IL16: variants seen among roughly 807,000 people sequenced by gnomAD.
IL16 encodes the protein interleukin 16.
Under a neutral mutation model 110.1 loss-of-function variants are expected in IL16, and 67 were observed. The observed-to-expected ratio is 0.61, with a 90% CI of 0.50 to 0.75. The LOEUF (loss-of-function observed/expected upper bound fraction) is 0.75, where lower values mean the gene tolerates loss of function less well. IL16 is among the 30% of genes least tolerant of loss of function. IL16 has a pLI of 0.00. For missense variants in IL16, 1,545 were observed against 1,655.0 expected (o/e 0.93, Z 1.15); for synonymous variants, 689 against 662.9 (o/e 1.04, Z -0.61).
At chr15:81,264,035 T>C (rs534943728) in intron 3 of IL16, among the ~76,000 whole-genome samples, 37 of 152,332 alleles carry the variant, frequency 2.4e-4, no homozygotes, top group Non-Finnish European at 2.2e-4. Flanking sequence ...CGTGCAGATA[T>C]GGATCAATAG....
intron 1 of IL16, among the ~76,000 whole-genome samples, chr15:81,198,403 C>T (rs1264188199): frequency 2.6e-5 from 4 of 152,164 alleles, no homozygotes; most frequent in African/African-American, 9.7e-5. Flanking sequence ...AATCCATGCT[C>T]TCACTGGCTT....
intron 1 of IL16, among the ~76,000 whole-genome samples, chr15:81,188,174 A>G (rs1895444163): frequency 6.6e-6 from 1 of 152,214 alleles, no homozygotes; most frequent in Admixed American, 6.5e-5. Context: ...GAGGCAATGC[A>G]TGTACCTTTC....
At position 81,303,466 on chromosome 15, in the gene IL16, A is replaced by C; in HGVS notation, c.3319-83A>C. ...TGGCCAAGCTGGGGTTTGAGATAAC[A>C]AATCAGTCTGATGTCAGTCCGATGT... On this transcript the variant is annotated intron_variant, in intron 15 of 18. Transcript: ENST00000683961. This position sits in a 1 kb window ranked among gnomAD's most constrained non-coding sequence, Gnocchi z 4.1. 1.1e-6 allele frequency: 1 copy of C among 950,962 alleles called. No homozygotes were observed. Among genetic ancestry groups the C allele is most frequent in the East Asian group, 2.4e-5 (1 of 40,866 alleles). 58.9% of individuals were successfully genotyped at this position (950,962 alleles called of 1,614,324 possible). A position where few individuals can be genotyped will look rare whatever the true frequency, so the allele number is the denominator to read the frequency against.
chr15:81,197,044 G>A lies in IL16; in HGVS notation c.-210G>A. On this transcript the variant is annotated 5_prime_UTR_variant, in exon 1 of 19. Coordinates refer to ENST00000683961, the MANE Select transcript of IL16 (RefSeq NM_172217.5). ...GGCTCTGACCCAGGCCTGGGCCACA[G>A]GCTGTCCGGGAATAAGTGGTGCTGC... 4 of 1,288,816 alleles carry A rather than the reference G, an allele frequency of 3.1e-6. No homozygotes were observed. The South Asian group carries it at 3.7e-5, about 12-fold the overall frequency. The allele number at this position is 1,288,816 out of a possible 1,614,324, so 79.8% of individuals were successfully genotyped here.
At chr15:81,232,049 T>TTTTTTTTTTTTTTTTTG (rs1897016616) in intron 2 of IL16, among the ~76,000 whole-genome samples, 1 of 118,762 alleles carries the variant, frequency 8.4e-6, no homozygotes, top group African/African-American at 2.9e-5. Context: ...CTTGTTTTTT[T>TTTTTTTTTTTTTTTTTG]TTTTTTTTTT....
At chr15:81,234,265 G>T (rs74030036) in intron 2 of IL16, among the ~76,000 whole-genome samples, 1,854 of 152,060 alleles carry the variant, frequency 0.012, 30 homozygotes, top group Middle Eastern at 0.044. Flanking sequence ...TATCATTTCA[G>T]ATGTGTTTGG....
At chr15:81,192,330 G>A (rs1364371871), upstream of IL16, among the ~76,000 whole-genome samples, 1 of 152,214 alleles carries the variant, frequency 6.6e-6, no homozygotes, top group Non-Finnish European at 1.5e-5. Context: ...GTTGGGTGCA[G>A]TGGCTCATGC....
chr15:81,292,536 C>A lies in IL16; in HGVS notation c.1421-20C>A, dbSNP rs568101674. On this transcript the variant is annotated intron_variant, in intron 11 of 18. Coordinates refer to ENST00000683961, the MANE Select transcript of IL16 (RefSeq NM_172217.5). Reference sequence around the variant, plus strand: ...TTTCTGAAGCTCAGCTGTGAAGATTCTCTTGTGCTTCCCACACAGGTGTCA... The same window carrying A: ...TTTCTGAAGCTCAGCTGTGAAGATTATCTTGTGCTTCCCACACAGGTGTCA... 10 of 1,610,616 alleles carry A rather than the reference C, an allele frequency of 6.2e-6. 1 individual carries two copies. In the South Asian group the frequency reaches 9.9e-5, roughly 16 times the overall value.
At position 81,228,322 on chromosome 15, in the gene IL16, ATT is replaced by A. The variant is rs34038033; in HGVS notation, c.312+2626_312+2627del. On this transcript the variant is annotated intron_variant, in intron 2 of 18. Coordinates refer to ENST00000683961, the MANE Select transcript of IL16 (RefSeq NM_172217.5). ...TCTTTGTGATTCACATGTACAACAC[ATT>A]TTTTTTTTTTTTTTGAGACGGAGTC... Among the ~76,000 whole-genome samples, 973 of 140,440 alleles carry A rather than the reference ATT, an allele frequency of 6.9e-3. 12 individuals are homozygous for A. The highest frequency in any genetic ancestry group is 0.024 in the African/African-American group (901 of 37,770). 92.1% of individuals were successfully genotyped at this position (140,440 alleles called of 152,430 possible). A position where few individuals can be genotyped will look rare whatever the true frequency, so the allele number is the denominator to read the frequency against.
intron 2 of IL16, among the ~76,000 whole-genome samples, chr15:81,253,263 A>G (rs1897831654): frequency 6.6e-6 from 1 of 152,114 alleles, no homozygotes; most frequent in Admixed American, 6.6e-5. Flanking sequence ...AGTCTCTTGT[A>G]TATCATTTGA....
intron 2 of IL16, among the ~76,000 whole-genome samples, chr15:81,245,935 C>T (rs1264929766): frequency 1.3e-5 from 2 of 151,784 alleles, no homozygotes; most frequent in Non-Finnish European, 2.9e-5. Context: ...TTTAGTTGTA[C>T]TTACTGGGAG....
At chr15:81,262,670 G>A (rs569312573) in intron 3 of IL16, among the ~76,000 whole-genome samples, 14 of 152,306 alleles carry the variant, frequency 9.2e-5, no homozygotes, top group South Asian at 6.2e-4. Flanking sequence ...AGTGGCTCAC[G>A]CCTGTAATCC....
intron 14 of IL16, among the ~76,000 whole-genome samples, chr15:81,300,690 G>A (rs1041905835): frequency 1.3e-5 from 2 of 152,166 alleles, no homozygotes; most frequent in South Asian, 4.1e-4. Context: ...TTAAGGAGGA[G>A]TTTTCACAAC....
At position 81,303,620 on chromosome 15, in the gene IL16, A is replaced by T; in HGVS notation, c.3390A>T (p.Gly1130=). 1 of 1,613,798 alleles carries T rather than the reference A, an allele frequency of 6.2e-7. No homozygotes were observed. Among genetic ancestry groups the T allele is most frequent in the Non-Finnish European group, 8.5e-7 (1 of 1,179,648 alleles). The change falls in exon 16 of 19, where the codon GGA becomes GGT. Residue 1130 remains glycine, a synonymous_variant. Coordinates refer to ENST00000683961, the MANE Select transcript of IL16 (RefSeq NM_172217.5). This position sits in a 1 kb window ranked among gnomAD's most constrained non-coding sequence, Gnocchi z 4.1. ...EGAGLGFSLA[G]GADLENKVIT... is the part of the protein sequence containing the mutation. ...CTGGTCTTGGGTTCAGCTTGGCAGG[A>T]GGAGCAGATCTAGAAAACAAGGTGA...
chr15:81,218,737 C>T (rs557995938), intron 1 of IL16, among the ~76,000 whole-genome samples: 1 of 152,264 alleles, frequency 6.6e-6, no homozygotes, highest in East Asian at 1.9e-4. Context: ...TAAAACTCAA[C>T]TCCAGCTATT....
intron 12 of IL16, among the ~76,000 whole-genome samples, chr15:81,296,258 C>T (rs549898656): frequency 6.6e-6 from 1 of 152,324 alleles, no homozygotes; most frequent in East Asian, 1.9e-4. Context: ...CCAAACTCTT[C>T]AAGTATTGCA....
intron 1 of IL16, among the ~76,000 whole-genome samples, chr15:81,211,182 C>T (rs1378000696): frequency 6.6e-6 from 1 of 151,972 alleles, no homozygotes; most frequent in East Asian, 1.9e-4. Context: ...ACCTCAACCT[C>T]CTGAGTAGCT....
intron 2 of IL16, among the ~76,000 whole-genome samples, chr15:81,234,460 AAT>A (rs1472575497): frequency 6.6e-6 from 1 of 152,148 alleles, no homozygotes; most frequent in Non-Finnish European, 1.5e-5. Context: ...ATACAGTCTT[AAT>A]ATATTAGTCT....
intron 12 of IL16, 68 bp downstream of exon 12, chr15:81,293,105 A>T: frequency 6.6e-7 from 1 of 1,506,160 alleles, no homozygotes; most frequent in Admixed American, 2.1e-5. Context: ...TGGGCAAATT[A>T]GCAAGTTAGT....
Sources: allele counts gnomAD v4.1 joint callset (sites outside exome capture counted in the v4.1 genomes callset), GRCh38; gene constraint gnomAD v4.1.1; non-coding constraint Gnocchi (gnomAD v3.1); transcripts MANE v1.5; gene names NCBI Gene and HGNC (gene_info 2026-07-23, HGNC 2026-07-21).